ADGRL3: variants seen among roughly 807,000 people sequenced by gnomAD.
ADGRL3 encodes adhesion G protein-coupled receptor L3.
Under a neutral mutation model 153.5 loss-of-function variants are expected in ADGRL3, and 62 were observed. The ratio of observed to expected loss-of-function variants is 0.40; its 90% CI spans 0.33 to 0.50. The LOEUF (loss-of-function observed/expected upper bound fraction) is 0.50. Among genes scored for constraint, ADGRL3 ranks in the 20% least tolerant of loss-of-function variants. The probability of loss-of-function intolerance (pLI) is 0.47; values close to 1 mark genes in which losing one functional copy is unlikely to be tolerated. For missense variants in ADGRL3, 1,641 were observed against 1,859.4 expected, an observed-to-expected ratio of 0.88 and a Z score of 2.16; for synonymous variants, 710 against 672.5, an observed-to-expected ratio of 1.06 and a Z score of -0.86.
At chr4:61,755,346 G>C (rs1392363391) in intron 8 of ADGRL3, among the ~76,000 whole-genome samples, 2 of 152,112 alleles carry the variant, frequency 1.3e-5, no homozygotes, top group Non-Finnish European at 2.9e-5. Context: ...CTGTGGTTTT[G>C]ATTTGCATTT....
At chr4:61,236,541 C>T (rs1465926098) in intron 1 of ADGRL3, among the ~76,000 whole-genome samples, 2 of 151,394 alleles carry the variant, frequency 1.3e-5, no homozygotes, top group East Asian at 3.9e-4. Context: ...CTTTTTTTGT[C>T]CCTCCCCCTG....
At chr4:61,387,701 G>A (rs2096754944) in intron 2 of ADGRL3, among the ~76,000 whole-genome samples, 1 of 152,040 alleles carries the variant, frequency 6.6e-6, no homozygotes, top group South Asian at 2.1e-4. Flanking sequence ...CTGTTATCCT[G>A]TTCTTTTTTC....
chr4:61,961,023 A>G (rs915386056), intron 17 of ADGRL3, among the ~76,000 whole-genome samples: 11 of 152,208 alleles, frequency 7.2e-5, no homozygotes, highest in African/African-American at 2.6e-4. Flanking sequence ...TTTACATTAA[A>G]ATAAATCTGT....
chr4:61,794,049 C>A (rs986210176), intron 8 of ADGRL3, among the ~76,000 whole-genome samples: 17 of 152,084 alleles, frequency 1.1e-4, no homozygotes, highest in Non-Finnish European at 2.9e-5. Flanking sequence ...AAAAAAGGTG[C>A]TAGGTGCTAT....
At chr4:61,815,212 G>A (rs1402202049) in intron 9 of ADGRL3, among the ~76,000 whole-genome samples, 2 of 152,122 alleles carry the variant, frequency 1.3e-5, no homozygotes, top group African/African-American at 2.4e-5. Flanking sequence ...AAAGGGGAGC[G>A]GTTCTAGAGG....
chr4:61,366,689 T>C (rs1399027342), intron 1 of ADGRL3, among the ~76,000 whole-genome samples: 1 of 152,208 alleles, frequency 6.6e-6, no homozygotes, highest in Non-Finnish European at 1.5e-5. Context: ...TTAGTAAATT[T>C]GCTTTTGTAT....
At chr4:61,494,178 A>G (rs923145623) in intron 2 of ADGRL3, among the ~76,000 whole-genome samples, 1 of 151,610 alleles carries the variant, frequency 6.6e-6, no homozygotes, top group Non-Finnish European at 1.5e-5. Flanking sequence ...AATTTAGTAT[A>G]CATGTTTGAG....
intron 20 of ADGRL3, 66 bp from the exon 21 acceptor site, chr4:61,998,108 G>T: frequency 2.8e-6 from 2 of 716,858 alleles, no homozygotes; most frequent in South Asian, 2.0e-5. Context: ...ATGTGTTATA[G>T]AGAATAAATT....
At position 62,040,447 on chromosome 4, in the gene ADGRL3, G is replaced by A. The variant is rs544262208; in HGVS notation, c.3717+2591G>A. Among the ~76,000 whole-genome samples, 5 of 151,886 alleles carry A rather than the reference G, an allele frequency of 3.3e-5. No individual in the cohort carries two copies. The East Asian group carries it at 9.7e-4, about 29-fold the overall frequency. On this transcript the variant is annotated intron_variant, in intron 24 of 26. Transcript: ENST00000683033. ...TACTTAAATCTATATTATTTGTTTA[G>A]GTAAGACTAATAAATACATTTCCCA...
Position 61,575,860 on chromosome 4 carries a change from C to G in ADGRL3, c.260-11367C>G, listed in dbSNP as rs144072818. The stretch of plus-strand genomic sequence containing the variant: ...TCTAGTCTAGAAACTAGCTGTGTGG[C>G]CCTGAAAAATGTATTTTATAAAGAC... On this transcript the variant is annotated intron_variant, in intron 4 of 26. Transcript: ENST00000683033. 4.3e-3 allele frequency among the ~76,000 whole-genome samples: 660 copies of G among 151,986 alleles called. 3 individuals carry two copies. The highest frequency in any genetic ancestry group is 0.015 in the African/African-American group (630 of 41,510).
chr4:62,015,903 A>G (rs901980092), intron 21 of ADGRL3, among the ~76,000 whole-genome samples: 2 of 151,804 alleles, frequency 1.3e-5, no homozygotes, highest in Admixed American at 1.3e-4. Context: ...ATAAATAAGT[A>G]TATAATTTAT....
chr4:61,559,599 A>G (rs2098785376), intron 4 of ADGRL3, among the ~76,000 whole-genome samples: 1 of 152,102 alleles, frequency 6.6e-6, no homozygotes, highest in South Asian at 2.1e-4. Flanking sequence ...CATGCTTTGT[A>G]ATATTTTGTA....
At chr4:61,898,932 T>C (rs2098647783) in intron 11 of ADGRL3, among the ~76,000 whole-genome samples, 1 of 152,064 alleles carries the variant, frequency 6.6e-6, no homozygotes, top group African/African-American at 2.4e-5. Flanking sequence ...AATCTTATTA[T>C]GCAAATAGGC....
intron 6 of ADGRL3, among the ~76,000 whole-genome samples, chr4:61,723,664 A>G (rs2096278030): frequency 6.6e-6 from 1 of 152,146 alleles, no homozygotes; most frequent in Non-Finnish European, 1.5e-5. Flanking sequence ...GGTGTTATCT[A>G]GAGGCAGCCA....
At chr4:61,576,565 AG>A (rs1304311658) in intron 4 of ADGRL3, among the ~76,000 whole-genome samples, 1 of 148,304 alleles carries the variant, frequency 6.7e-6, no homozygotes, top group African/African-American at 2.5e-5. Context: ...CACTGTCTTT[AG>A]AGTGGGAATT....
intron 1 of ADGRL3, among the ~76,000 whole-genome samples, chr4:61,260,435 A>G (rs988210237): frequency 1.3e-5 from 2 of 152,184 alleles, no homozygotes; most frequent in African/African-American, 4.8e-5. Flanking sequence ...TGCCAGAAAT[A>G]GAGTGTAATG....
intron 11 of ADGRL3, among the ~76,000 whole-genome samples, chr4:61,899,564 T>G (rs2098652418): frequency 6.6e-6 from 1 of 152,144 alleles, no homozygotes; most frequent in African/African-American, 2.4e-5. Flanking sequence ...AAATAGTAGT[T>G]TTCTTCTTCT....
chr4:62,061,245 T>G (rs79344391), intron 25 of ADGRL3, among the ~76,000 whole-genome samples: 3,911 of 151,976 alleles, frequency 0.026, 182 homozygotes, highest in African/African-American at 0.091. Flanking sequence ...AGTGCTGAGA[T>G]TACAAGTGTG....
intron 5 of ADGRL3, among the ~76,000 whole-genome samples, chr4:61,616,946 G>A (rs1332993598): frequency 6.6e-6 from 1 of 151,942 alleles, no homozygotes; most frequent in Non-Finnish European, 1.5e-5. Context: ...AGAGCCACTG[G>A]GGCCAGCCAG....
Sources: allele counts gnomAD v4.1 joint callset (sites outside exome capture counted in the v4.1 genomes callset), GRCh38; gene constraint gnomAD v4.1.1; transcripts MANE v1.5; gene names NCBI Gene and HGNC (gene_info 2026-07-23, HGNC 2026-07-21).